RCAN2: variants seen among roughly 807,000 people sequenced by gnomAD.
The protein encoded by RCAN2 is calcipressin-2.
Under a neutral mutation model 23.6 loss-of-function variants are expected in RCAN2, and 9 were observed. The observed-to-expected ratio is 0.38, with a 90% confidence interval of 0.23 to 0.67. The LOEUF is 0.67. Among genes scored for constraint, RCAN2 ranks in the 30% least tolerant of loss-of-function variants. The pLI is 0.51. For missense variants in RCAN2, 273 were observed against 302.3 expected (o/e 0.90, Z 0.72); for synonymous variants, 109 against 115.7 (o/e 0.94, Z 0.37).
intron 2 of RCAN2, among the ~76,000 whole-genome samples, chr6:46,341,325 G>C (rs1764311991): frequency 6.6e-6 from 1 of 152,002 alleles, no homozygotes; most frequent in South Asian, 2.1e-4. Context: ...TGGCTTCCCT[G>C]GGCCACATTT....
chr6:46,373,652 T>C (rs1460699934), intron 2 of RCAN2, among the ~76,000 whole-genome samples: 1 of 152,170 alleles, frequency 6.6e-6, no homozygotes, highest in Non-Finnish European at 1.5e-5. Flanking sequence ...AAATAAGTAA[T>C]CAATGAAGAT....
In RCAN2 at chr6:46,437,917, C is replaced by A. The variant is rs552201500; in HGVS notation, c.225+18835G>T. On this transcript the variant is annotated intron_variant, in intron 2 of 4. Transcript: ENST00000371374. ...CACAGGTTGCAGTTTTTAAAATAAG[C>A]AAGCTCACAGGTCACCTTCCAAGGA... is the stretch of plus-strand genomic sequence containing the variant. Among the ~76,000 whole-genome samples, 11 of 152,338 alleles carry A rather than the reference C, an allele frequency of 7.2e-5. No individual in the cohort carries two copies. The East Asian group carries it at 1.9e-3, about 27-fold the overall frequency.
rs114848804 is a variant in RCAN2 at position 46,335,749 on chromosome 6, C to T, written c.226-86853G>A. On this transcript the variant is annotated intron_variant, in intron 2 of 4. Transcript: ENST00000371374. ...TAGTGCTATCTATCTAGTTTTTGGG[C>T]CACCTGCTTAGAAAATCTGCATTTT... 9.4e-3 allele frequency among the ~76,000 whole-genome samples: 1,429 copies of T among 152,222 alleles called. 17 individuals carry two copies. The highest frequency in any genetic ancestry group is 0.033 in the African/African-American group (1,350 of 41,528).
At chr6:46,419,807 TA>T (rs1766822882) in intron 2 of RCAN2, among the ~76,000 whole-genome samples, 8 of 152,274 alleles carry the variant, frequency 5.3e-5, no homozygotes, top group Middle Eastern at 3.4e-3. Flanking sequence ...AGAAAGAACA[TA>T]AATAAGTCAA....
chr6:46,426,222 G>A lies in RCAN2; in HGVS notation c.225+30530C>T, dbSNP rs905248471. On this transcript the variant is annotated intron_variant, in intron 2 of 4. Coordinates refer to ENST00000371374, the MANE Select transcript of RCAN2 (RefSeq NM_001251974.2). The stretch of plus-strand genomic sequence containing the variant: ...CTGACTGATTACTTCTTTAAAAGGT[G>A]TGTTAACATTTCCTTCCCACAGAAA... Among the ~76,000 whole-genome samples the A allele has an allele frequency of 2.0e-5, 3 of 152,030 alleles. No individual in the cohort carries two copies. The East Asian group carries it at 5.8e-4, about 29-fold the overall frequency.
chr6:46,422,238 C>A (rs1766905864), intron 2 of RCAN2, among the ~76,000 whole-genome samples: 1 of 152,136 alleles, frequency 6.6e-6, no homozygotes, highest in Non-Finnish European at 1.5e-5. Context: ...CCTGGCACCT[C>A]CCCGGCCCAG....
At position 46,340,175 on chromosome 6, in the gene RCAN2, A is replaced by T. The variant is rs191084609; in HGVS notation, c.226-91279T>A. Among the ~76,000 whole-genome samples, 312 of 152,252 alleles carry T rather than the reference A, an allele frequency of 2.0e-3. 2 individuals are homozygous for T. The highest frequency in any genetic ancestry group is 7.1e-3 in the African/African-American group (293 of 41,536). ...GATCTTCTACCCTAGTTGCAGCTCC[A>T]CTTGCTACTACTACTACCAAGACAG... On this transcript the variant is annotated intron_variant, in intron 2 of 4. Coordinates refer to ENST00000371374, the MANE Select transcript of RCAN2 (RefSeq NM_001251974.2).
intron 2 of RCAN2, among the ~76,000 whole-genome samples, chr6:46,309,190 C>T (rs1763175237): frequency 6.6e-6 from 1 of 152,138 alleles, no homozygotes; most frequent in African/African-American, 2.4e-5. Context: ...TTTATCATCA[C>T]CATAATCCTG....
intron 2 of RCAN2, among the ~76,000 whole-genome samples, chr6:46,353,249 T>C (rs1380370140): frequency 6.6e-6 from 1 of 152,152 alleles, no homozygotes; most frequent in East Asian, 1.9e-4. Context: ...AGCTTCTTCC[T>C]GGTAGTTTTT....
intron 1 of RCAN2, among the ~76,000 whole-genome samples, chr6:46,470,139 T>G (rs529108390): frequency 3.9e-5 from 6 of 152,338 alleles, no homozygotes; most frequent in African/African-American, 1.4e-4. Context: ...AAAACAACTT[T>G]AATGAACTGA....
chr6:46,265,020 G>T (rs1410802941), intron 2 of RCAN2, among the ~76,000 whole-genome samples: 1 of 152,204 alleles, frequency 6.6e-6, no homozygotes, highest in African/African-American at 2.4e-5. Flanking sequence ...GAGGGAAGCT[G>T]GGTCGATATG....
intron 2 of RCAN2, among the ~76,000 whole-genome samples, chr6:46,380,582 G>T (rs1021165287): frequency 8.3e-4 from 127 of 152,318 alleles, no homozygotes; most frequent in African/African-American, 2.9e-3. Flanking sequence ...CCAGCAATTT[G>T]TCTGTGTTTA....
At chr6:46,239,436 C>A (rs1358418359) in intron 4 of RCAN2, among the ~76,000 whole-genome samples, 1 of 152,168 alleles carries the variant, frequency 6.6e-6, no homozygotes, top group East Asian at 1.9e-4. Context: ...AACTCCAATC[C>A]AGGTCTGCTG....
chr6:46,403,823 T>A (rs1456102191), intron 2 of RCAN2, among the ~76,000 whole-genome samples: 1 of 152,144 alleles, frequency 6.6e-6, no homozygotes, highest in Non-Finnish European at 1.5e-5. Context: ...AAAAAACTCC[T>A]TGGATAATTG....
At chr6:46,229,836 T>C (rs1765816318) in intron 4 of RCAN2, among the ~76,000 whole-genome samples, 1 of 152,230 alleles carries the variant, frequency 6.6e-6, no homozygotes, top group Admixed American at 6.5e-5. Flanking sequence ...TGCGTTCCTT[T>C]GGAGGAGAAG....
chr6:46,359,932 T>C (rs1764952901), intron 2 of RCAN2, among the ~76,000 whole-genome samples: 1 of 152,148 alleles, frequency 6.6e-6, no homozygotes, highest in South Asian at 2.1e-4. Flanking sequence ...TGAATCTAGG[T>C]GTGTCTAACT....
chr6:46,357,322 T>G (rs920112579), intron 2 of RCAN2, among the ~76,000 whole-genome samples: 2 of 152,216 alleles, frequency 1.3e-5, no homozygotes, highest in African/African-American at 4.8e-5. Context: ...TTTCTGCTTA[T>G]GCCATTAAAA....
At chr6:46,313,397 C>T (rs1007660203) in intron 2 of RCAN2, among the ~76,000 whole-genome samples, 17 of 152,236 alleles carry the variant, frequency 1.1e-4, no homozygotes, top group Non-Finnish European at 5.9e-5. Flanking sequence ...ACACTGAGTG[C>T]TCCATCACAT....
At chr6:46,455,139 T>C (rs2150431500) in intron 2 of RCAN2, among the ~76,000 whole-genome samples, 2 of 152,356 alleles carry the variant, frequency 1.3e-5, no homozygotes, top group East Asian at 3.9e-4. Flanking sequence ...GAGAAAATTA[T>C]CATTTGTGAT....
Sources: allele counts gnomAD v4.1 joint callset (sites outside exome capture counted in the v4.1 genomes callset), GRCh38; gene constraint gnomAD v4.1.1; transcripts MANE v1.5; gene names NCBI Gene and HGNC (gene_info 2026-07-23, HGNC 2026-07-21).